Variants in CDH18 observed in about 807,000 individuals in gnomAD.
CDH18 encodes the protein cadherin-18.
CDH18 carries 31 observed loss-of-function variants against 67.9 expected under a neutral mutation model. The ratio of observed to expected loss-of-function variants is 0.46; its 90% CI spans 0.34 to 0.62. The LOEUF is 0.62. Ranked by LOEUF, CDH18 falls within the 20% of genes least tolerant of loss-of-function variation. CDH18 has a pLI of 0.01. For synonymous variants in CDH18, 362 were observed against 347.2 expected, an observed-to-expected ratio of 1.04 and a Z score of -0.48; for missense variants, 890 against 975.5, an observed-to-expected ratio of 0.91 and a Z score of 1.17.
chr5:19,950,845 G>A (rs1795721633), intron 2 of CDH18, among the ~76,000 whole-genome samples: 1 of 152,114 alleles, frequency 6.6e-6, no homozygotes, highest in Non-Finnish European at 1.5e-5. Context: ...AAGCTTAAAA[G>A]TGTTTTTCAA....
chr5:19,794,629 T>C (rs1203887849), intron 3 of CDH18, among the ~76,000 whole-genome samples: 1 of 152,134 alleles, frequency 6.6e-6, no homozygotes, highest in Non-Finnish European at 1.5e-5. Flanking sequence ...AGAACCCTAA[T>C]ATAAACTATA....
intron 1 of CDH18, among the ~76,000 whole-genome samples, chr5:20,486,011 G>A (rs968384345): frequency 2.0e-5 from 3 of 152,102 alleles, no homozygotes; most frequent in African/African-American, 7.2e-5. Flanking sequence ...ATAAAGAAGG[G>A]GCTTGTTATT....
intron 1 of CDH18, among the ~76,000 whole-genome samples, chr5:20,414,391 T>A (rs1747092975): frequency 6.6e-6 from 1 of 152,162 alleles, no homozygotes; most frequent in Non-Finnish European, 1.5e-5. Flanking sequence ...CTGCCTGCTC[T>A]CACTTAAAAG....
intron 2 of CDH18, among the ~76,000 whole-genome samples, chr5:19,866,990 T>G (rs1193479196): frequency 6.6e-6 from 1 of 152,066 alleles, no homozygotes; most frequent in African/African-American, 2.4e-5. Context: ...CTCGGGAGGA[T>G]GAGGCAGAGA....
chr5:19,858,974 A>T (rs1784580326), intron 2 of CDH18, among the ~76,000 whole-genome samples: 1 of 152,168 alleles, frequency 6.6e-6, no homozygotes, highest in South Asian at 2.1e-4. Flanking sequence ...ATGAAAAAAA[A>T]ACTATTTTAT....
chr5:20,526,068 T>C lies in CDH18; in HGVS notation c.-580+49394A>G, dbSNP rs1277810577. On this transcript the variant is annotated intron_variant, in intron 1 of 14. Transcript: ENST00000507958. ...CTGCCAGTGCAAGGGAGGCTGGGTT[T>C]TCCCCTGCCAGTGCAAGGGAGGCTG... is the stretch of plus-strand genomic sequence containing the variant. 2.0e-5 allele frequency among the ~76,000 whole-genome samples: 3 copies of C among 151,560 alleles called. No individual in the cohort carries two copies. In the East Asian group the frequency reaches 5.8e-4, roughly 29 times the overall value.
At chr5:20,356,741 C>CTA (rs1202801841) in intron 1 of CDH18, among the ~76,000 whole-genome samples, 2 of 143,642 alleles carry the variant, frequency 1.4e-5, no homozygotes, top group African/African-American at 5.4e-5. Context: ...CTCTCTCTCT[C>CTA]TCTCTCTCTC....
intron 1 of CDH18, among the ~76,000 whole-genome samples, chr5:20,504,050 AAGAG>A (rs1302831109): frequency 3.6e-5 from 4 of 111,486 alleles, no homozygotes; most frequent in East Asian, 2.9e-4. Flanking sequence ...AAAAAAAAAA[AAGAG>A]AGAGAGAGAG....
At chr5:20,208,743 C>T (rs529329713) in intron 2 of CDH18, among the ~76,000 whole-genome samples, 3 of 151,926 alleles carry the variant, frequency 2.0e-5, no homozygotes, top group African/African-American at 4.8e-5. Context: ...TGGTAAAATG[C>T]TTCTGCACAG....
intron 1 of CDH18, among the ~76,000 whole-genome samples, chr5:20,440,098 G>A (rs546629142): frequency 6.6e-6 from 1 of 151,662 alleles, no homozygotes. Context: ...CCATATGCAA[G>A]TTCTGGAATT....
At chr5:19,874,064 C>CTTCTG (rs1786657446) in intron 2 of CDH18, among the ~76,000 whole-genome samples, 1 of 152,174 alleles carries the variant, frequency 6.6e-6, no homozygotes, top group African/African-American at 2.4e-5. Context: ...TGTATACACT[C>CTTCTG]AGAAGTATGT....
At chr5:20,391,062 C>A (rs1476659960) in intron 1 of CDH18, among the ~76,000 whole-genome samples, 1 of 151,814 alleles carries the variant, frequency 6.6e-6, no homozygotes, top group African/African-American at 2.4e-5. Context: ...TTCAGCACAC[C>A]AACATGGCAC....
intron 2 of CDH18, among the ~76,000 whole-genome samples, chr5:19,887,446 T>G (rs1458886889): frequency 5.3e-5 from 8 of 152,134 alleles, no homozygotes; most frequent in African/African-American, 1.4e-4. Flanking sequence ...TTATTAACTT[T>G]TCTTTAATAG....
At chr5:19,638,977 GTTTTTTTTTTTTTTTT>G (rs34631530) in intron 5 of CDH18, among the ~76,000 whole-genome samples, 1 of 54,686 alleles carries the variant, frequency 1.8e-5, no homozygotes, top group African/African-American at 5.2e-5. Context: ...TTTTGTTGCT[GTTTTTTTTTTTTTTTT>G]TTTTTTTTTT....
chr5:20,199,376 T>C (rs962520828), intron 2 of CDH18, among the ~76,000 whole-genome samples: 18 of 152,224 alleles, frequency 1.2e-4, no homozygotes, highest in African/African-American at 4.1e-4. Context: ...TAGGGTTTAA[T>C]GACTGCCCTA....
intron 5 of CDH18, among the ~76,000 whole-genome samples, chr5:19,681,241 G>A (rs766247433): frequency 1.7e-4 from 26 of 151,762 alleles, no homozygotes; most frequent in African/African-American, 5.3e-4. Context: ...ACTTAAGAGC[G>A]CAAGGTGGGA....
intron 2 of CDH18, among the ~76,000 whole-genome samples, chr5:20,196,016 T>C (rs928487446): frequency 6.6e-6 from 1 of 152,118 alleles, no homozygotes; most frequent in African/African-American, 2.4e-5. Context: ...GTGGGAGAGA[T>C]TGAATATTTA....
chr5:20,215,733 A>G (rs1462858900), intron 2 of CDH18, among the ~76,000 whole-genome samples: 2 of 152,016 alleles, frequency 1.3e-5, no homozygotes, highest in Non-Finnish European at 2.9e-5. Context: ...CTAAATACCC[A>G]TAAGTGGCAG....
intron 1 of CDH18, among the ~76,000 whole-genome samples, chr5:20,412,559 C>A (rs973388420): frequency 2.6e-5 from 4 of 152,138 alleles, no homozygotes; most frequent in Admixed American, 2.0e-4. Context: ...TGCAAACTGG[C>A]AACCTACAGA....
Sources: gnomAD v4.1 joint callset for allele counts (sites outside exome capture counted in the v4.1 genomes callset) on GRCh38, gnomAD v4.1.1 for gene constraint, MANE v1.5 for transcripts, NCBI Gene and HGNC (gene_info 2026-07-23, HGNC 2026-07-21) for gene names.